The following PCDHA8 variants were observed in gnomAD, a reference collection of about 807,000 sequenced individuals.
The protein encoded by PCDHA8 is protocadherin alpha 8.
A neutral mutation model predicts 61.8 loss-of-function variants in PCDHA8; 53 were observed. The ratio of observed to expected loss-of-function variants is 0.86; its 90% CI spans 0.69 to 1.08. The LOEUF (loss-of-function observed/expected upper bound fraction) is 1.08, where lower values mean the gene tolerates loss of function less well. Among genes scored for constraint, PCDHA8 ranks in the 50% least tolerant of loss-of-function variants. The pLI, the probability that PCDHA8 is intolerant of heterozygous loss-of-function variation, is 0.00. For synonymous variants in PCDHA8, 618 were observed against 556.6 expected (o/e 1.11, Z -1.55); for missense variants, 1,293 against 1,245.0 (o/e 1.04, Z -0.58).
chr5:140,877,831 C>T (rs1226856696), intron 1 of PCDHA8: 5 of 1,592,698 alleles, frequency 3.1e-6, no homozygotes, highest in Non-Finnish European at 4.3e-6. Context: ...TTTAAATCCT[C>T]CCAGTGAAGT....
chr5:140,990,427 AC>A (rs1488981685), intron 3 of PCDHA8, among the ~76,000 whole-genome samples: 5 of 152,174 alleles, frequency 3.3e-5, no homozygotes, highest in African/African-American at 1.2e-4. Flanking sequence ...ACCAGCATTG[AC>A]CCAATCTTGT....
chr5:140,878,658 G>T (rs139171755), intron 1 of PCDHA8, among the ~76,000 whole-genome samples: 120 of 152,200 alleles, frequency 7.9e-4, no homozygotes, highest in African/African-American at 2.7e-3. Flanking sequence ...ATATCCAGAG[G>T]CTTCTCTTTA....
intron 1 of PCDHA8, among the ~76,000 whole-genome samples, chr5:140,887,101 C>CTT (rs200717289): frequency 4.1e-5 from 6 of 145,304 alleles, no homozygotes; most frequent in African/African-American, 1.0e-4. Context: ...ATCTTTATCT[C>CTT]TTTTTTTTTT....
intron 1 of PCDHA8, among the ~76,000 whole-genome samples, chr5:140,936,367 A>G (rs1347774517): frequency 2.0e-5 from 3 of 152,348 alleles, no homozygotes; most frequent in East Asian, 1.9e-4. Flanking sequence ...GCTACTGAGC[A>G]CTTGAAATGT....
rs1215041869 is a variant in PCDHA8, at chr5:141,010,411, G to T, written c.*474G>T. ...TGAGACGAGCCAGCTTAGACTAATT[G>T]GTACAAGGAAGGCAAGAAAACAAAG... On this transcript the variant is annotated 3_prime_UTR_variant, in exon 4 of 4. Transcript: ENST00000531613. 4.1e-6 allele frequency: 5 copies of T among 1,224,236 alleles called. No individual in the cohort carries two copies. The highest frequency in any genetic ancestry group is 4.4e-6 in the Non-Finnish European group (4 of 905,798). The allele number at this position is 1,224,236 out of a possible 1,614,324, so 75.8% of individuals were successfully genotyped here. A position where few individuals can be genotyped will look rare whatever the true frequency, so the allele number is the denominator to read the frequency against.
At chr5:140,948,942 TA>T (rs34363674) in intron 1 of PCDHA8, among the ~76,000 whole-genome samples, 1 of 151,394 alleles carries the variant, frequency 6.6e-6, no homozygotes, top group Admixed American at 6.6e-5. Context: ...TCTTCTAATA[TA>T]AAAAAATTAA....
intron 1 of PCDHA8, chr5:140,876,345 T>C (rs2056299947): frequency 6.2e-7 from 1 of 1,614,024 alleles, no homozygotes; most frequent in Non-Finnish European, 8.5e-7. Context: ...GTGAGAAATG[T>C]ATGTTTTCAA....
intron 1 of PCDHA8, chr5:140,926,972 C>G (rs782504064): frequency 1.3e-5 from 21 of 1,609,464 alleles, no homozygotes; most frequent in Non-Finnish European, 1.7e-5. Context: ...TACTCAGTGC[C>G]GGAGGAGACG....
chr5:140,863,128 C>A, intron 1 of PCDHA8: 1 of 598,142 alleles, frequency 1.7e-6, no homozygotes, highest in South Asian at 1.4e-5. Flanking sequence ...TACGCGCCAC[C>A]GCCTGCTGGT....
intron 1 of PCDHA8, among the ~76,000 whole-genome samples, chr5:140,889,062 T>C (rs1463008573): frequency 1.3e-5 from 2 of 152,052 alleles, no homozygotes; most frequent in African/African-American, 2.4e-5. Context: ...CCTTTTAATA[T>C]ACTACTTATT....
At chr5:140,882,252 G>A in intron 1 of PCDHA8, 1 of 1,597,600 alleles carries the variant, frequency 6.3e-7, no homozygotes, top group Non-Finnish European at 8.5e-7. Context: ...ATAGCTCTGA[G>A]GTTTTTGGAG....
At chr5:140,875,878 A>T in intron 1 of PCDHA8, 1 of 1,614,212 alleles carries the variant, frequency 6.2e-7, no homozygotes, top group Non-Finnish European at 8.5e-7. Flanking sequence ...GTTCAGAGAA[A>T]GGGAACAAAA....
chr5:140,969,203 G>A (rs781962982), intron 1 of PCDHA8: 2 of 1,614,178 alleles, frequency 1.2e-6, no homozygotes, highest in Non-Finnish European at 8.5e-7. Flanking sequence ...CAATACAGGG[G>A]CCCAGACAGG....
At chr5:140,882,374 C>A in intron 1 of PCDHA8, 1 of 1,614,186 alleles carries the variant, frequency 6.2e-7, no homozygotes, top group East Asian at 2.2e-5. Flanking sequence ...CTACTCCGTC[C>A]CCGAGGAAGC....
chr5:140,930,394 T>C (rs531643898), intron 1 of PCDHA8: 1 of 145,356 alleles, frequency 6.9e-6, no homozygotes, highest in South Asian at 2.2e-4. Flanking sequence ...TCAAAACTTC[T>C]TTTTTTTTTT....
At chr5:140,883,105 C>T in intron 1 of PCDHA8, 1 of 1,614,056 alleles carries the variant, frequency 6.2e-7, no homozygotes, top group Non-Finnish European at 8.5e-7. Context: ...ATATAGTTTA[C>T]TCATTTAGAA....
At chr5:140,960,923 G>A (rs1478943565) in intron 1 of PCDHA8, among the ~76,000 whole-genome samples, 1 of 152,168 alleles carries the variant, frequency 6.6e-6, no homozygotes, top group African/African-American at 2.4e-5. Context: ...TAGAAAATTG[G>A]TACTAAGTTT....
chr5:140,874,505 T>C (rs550206385), intron 1 of PCDHA8, among the ~76,000 whole-genome samples: 1 of 152,366 alleles, frequency 6.6e-6, no homozygotes, highest in African/African-American at 2.4e-5. Context: ...GTTCACATTC[T>C]CTTGACTTTA....
intron 1 of PCDHA8, among the ~76,000 whole-genome samples, chr5:140,919,151 G>A (rs1246862771): frequency 2.6e-5 from 4 of 152,122 alleles, no homozygotes; most frequent in African/African-American, 9.7e-5. Flanking sequence ...ATTATTAGAT[G>A]CAAGTATGTT....
Sources: allele counts gnomAD v4.1 joint callset (sites outside exome capture counted in the v4.1 genomes callset), GRCh38; gene constraint gnomAD v4.1.1; transcripts MANE v1.5; gene names NCBI Gene and HGNC (gene_info 2026-07-23, HGNC 2026-07-21).